GAK: variants seen among roughly 807,000 people sequenced by gnomAD.
GAK encodes the protein cyclin G associated kinase, also known as cyclin-G-associated kinase.
Under a neutral mutation model 143.9 loss-of-function variants are expected in GAK, and 79 were observed. The observed-to-expected ratio is 0.55, with a 90% confidence interval of 0.46 to 0.66. The LOEUF (loss-of-function observed/expected upper bound fraction) is 0.66. GAK is among the 30% of genes least tolerant of loss of function. The probability of loss-of-function intolerance (pLI) is 0.00; values close to 1 mark genes in which losing one functional copy is unlikely to be tolerated. For synonymous variants in GAK, 881 were observed against 765.5 expected (o/e 1.15, Z -2.49); for missense variants, 1,693 against 1,779.7 (o/e 0.95, Z 0.88).
intron 9 of GAK, among the ~76,000 whole-genome samples, chr4:891,288 G>A (rs574882641): frequency 3.2e-4 from 48 of 148,248 alleles, no homozygotes; most frequent in African/African-American, 1.1e-3. Context: ...TTTTTGAAAC[G>A]GAGTCTCACT....
Position 849,920 on chromosome 4 carries a change from C to T in GAK, c.3806G>A (p.Arg1269His), listed in dbSNP as rs149200314. 44 of 1,610,366 alleles carry T rather than the reference C, an allele frequency of 2.7e-5. No individual in the cohort carries two copies. Among genetic ancestry groups the T allele is most frequent in the Admixed American group, 8.4e-5 (5 of 59,826 alleles). ...GTCGGGGTGCACAGCCAGCACCGCG[C>T]GGCGATAGTGCTTCTTCACTTGCTC... The part of the protein sequence containing the change: ...APEQVKKHYR[R>H]AVLAVHPDKA... The change falls in exon 27 of 28, where the codon CGC (arginine) becomes CAC (histidine). Residue 1269 changes from arginine to histidine, a missense_variant. Arg to His is a conservative substitution (Grantham distance 29). Transcript: ENST00000314167.
At chr4:883,615 C>CG in intron 12 of GAK, 152 bp from the exon 13 acceptor site, 1 of 841,140 alleles carries the variant, frequency 1.2e-6, no homozygotes, top group Non-Finnish European at 1.9e-6. Flanking sequence ...CCTCACCCTC[C>CG]GTGGACTCCC....
At chr4:898,224 G>A (rs1260189922) in intron 5 of GAK, 66 bp from the exon 6 acceptor site, 70 of 1,584,328 alleles carry the variant, frequency 4.4e-5, no homozygotes, top group Non-Finnish European at 5.8e-5. Flanking sequence ...CAGGGAAAAC[G>A]AACGGGTGTG....
chr4:908,115 A>AAAGG (rs954311552), intron 4 of GAK, among the ~76,000 whole-genome samples: 2 of 152,182 alleles, frequency 1.3e-5, no homozygotes, highest in African/African-American at 4.8e-5. Flanking sequence ...TACCCCTCGC[A>AAAGG]AAGGCTTTCT....
rs542120943 is a variant in GAK at position 883,551 on chromosome 4, C to T, written c.1256-88G>A. 2.1e-4 allele frequency: 308 copies of T among 1,476,236 alleles called. 3 individuals carry two copies. The highest frequency in any genetic ancestry group is 1.9e-3 in the South Asian group (152 of 81,780). 91.4% of individuals were successfully genotyped at this position (1,476,236 alleles called of 1,614,324 possible). On this transcript the variant is annotated intron_variant, in intron 12 of 27. Transcript: ENST00000314167. ...GCGGCCTCGCTGCTCCTGACGCCCC[C>T]GGGCAAGCGCAGCCTCCGGCAGCTC...
At chr4:886,406 C>A (rs1007923397) in intron 11 of GAK, 1 of 152,236 alleles carries the variant, frequency 6.6e-6, no homozygotes, top group African/African-American at 2.4e-5. Flanking sequence ...CCCACCATCC[C>A]CACAGCTGCT....
At chr4:866,274 C>T in intron 22 of GAK, 90 bp downstream of exon 22, 2 of 1,368,400 alleles carry the variant, frequency 1.5e-6, no homozygotes, top group South Asian at 1.3e-5. Flanking sequence ...CCCACCACTG[C>T]CTGAGACCCA....
intron 5 of GAK, among the ~76,000 whole-genome samples, chr4:903,335 G>A (rs998832994): frequency 4.6e-5 from 7 of 152,228 alleles, no homozygotes; most frequent in African/African-American, 9.6e-5. Flanking sequence ...AGAGTCTGCC[G>A]GTGAACGGAA....
intron 24 of GAK, among the ~76,000 whole-genome samples, chr4:859,013 C>T (rs576467180): frequency 5.9e-5 from 9 of 152,346 alleles, no homozygotes; most frequent in South Asian, 2.1e-4. Context: ...ATCATCCCCC[C>T]GCCGCCGACG....
In GAK at chr4:870,766, G is replaced by A. The variant is rs775543121; in HGVS notation, c.2193C>T (p.Asn731=). 6.2e-7 allele frequency: 1 copy of A among 1,614,054 alleles called. No individual in the cohort carries two copies. Among genetic ancestry groups the A allele is most frequent in the South Asian group, 1.1e-5 (1 of 91,064 alleles). Residue 731 remains asparagine, a synonymous_variant, in exon 19 of 28, where the codon AAC becomes AAT. Transcript: ENST00000314167. ...CCCGGCTGGAAAACAGGATTTTGGG[G>A]TTCAGCCCCCTCATGCTCGAGTTCT... The part of the protein sequence containing the change: ...PWENSSMRGL[N]PKILFSSREE...
chr4:877,248 A>C, intron 16 of GAK, 41 bp from the exon 17 acceptor site: 1 of 1,327,546 alleles, frequency 7.5e-7, no homozygotes, highest in Middle Eastern at 1.8e-4. Flanking sequence ...AAAAACCCCC[A>C]AAACCAACCA....
At chr4:864,149 G>A (rs1473051386) in intron 23 of GAK, among the ~76,000 whole-genome samples, 5 of 152,182 alleles carry the variant, frequency 3.3e-5, no homozygotes, top group Non-Finnish European at 7.4e-5. Flanking sequence ...GCCTAAGCCC[G>A]GGAGTTCTAG....
intron 1 of GAK, among the ~76,000 whole-genome samples, chr4:919,410 C>T (rs958838096): frequency 1.1e-4 from 16 of 152,258 alleles, no homozygotes; most frequent in East Asian, 1.9e-4. Flanking sequence ...CCTTCAGTGC[C>T]GCATGACCTT....
chr4:883,601 G>A, intron 12 of GAK, 138 bp from the exon 13 acceptor site: 4 of 963,360 alleles, frequency 4.2e-6, no homozygotes, highest in South Asian at 3.0e-5. Context: ...CACACAGCCG[G>A]CCCCCTCACC....
intron 15 of GAK, among the ~76,000 whole-genome samples, 171 bp downstream of exon 15, chr4:881,736 C>T (rs1179639078): frequency 6.6e-6 from 1 of 152,270 alleles, no homozygotes; most frequent in East Asian, 1.9e-4. Flanking sequence ...CCTCCCCGGG[C>T]TCTGCGGCCG....
rs372667052 is a variant in GAK, at chr4:882,763, G to A, written c.1461C>T (p.Asn487=). ...GCCAGGCGTGCATGTTCCTGCAGAT[G>A]TTGTACAGGGTGTGCAGGTGTGGGG... ...RRAPHLHTLY[N]ICRNMHAWLR... The change falls in exon 14 of 28, where the codon AAC becomes AAT. Residue 487 remains asparagine, a synonymous_variant. Transcript: ENST00000314167. 5.0e-6 allele frequency: 8 copies of A among 1,612,014 alleles called. No homozygotes were observed. In the African/African-American group the frequency reaches 5.3e-5, roughly 11 times the overall value.
chr4:905,259 G>A (rs1013801677), intron 4 of GAK, among the ~76,000 whole-genome samples: 2 of 152,140 alleles, frequency 1.3e-5, no homozygotes, highest in Admixed American at 6.5e-5. Flanking sequence ...ATAAATTCCC[G>A]CTTTCGTTCT....
Position 892,196 on chromosome 4 carries a change from G to A in GAK, c.990+1181C>T, listed in dbSNP as rs112996693. 9.8e-3 allele frequency among the ~76,000 whole-genome samples: 1,486 copies of A among 152,314 alleles called. 27 individuals are homozygous for A. The highest frequency in any genetic ancestry group is 0.033 in the African/African-American group (1,355 of 41,574). The stretch of plus-strand genomic sequence containing the variant: ...CCCACGCTCCACACCCACCGCCTGG[G>A]TCAGCTCCACTGCAGTGGCCCCTGG... On this transcript the variant is annotated intron_variant, in intron 9 of 27. Coordinates refer to ENST00000314167, the MANE Select transcript of GAK (RefSeq NM_005255.4).
chr4:882,829 CAG>C lies in GAK; in HGVS notation c.1405-12_1405-11del, dbSNP rs1715429743. 6.2e-7 allele frequency: 1 copy of C among 1,607,916 alleles called. No homozygotes were observed. On this transcript the variant is annotated splice_polypyrimidine_tract_variant and intron_variant, in intron 13 of 27. Transcript: ENST00000314167. ...AGCCACACTCGGAGACCTGTGGGGA[CAG>C]GGCACGGTGGCACGGACGGCAGAGG...
Sources: gnomAD v4.1 joint callset for allele counts (sites outside exome capture counted in the v4.1 genomes callset) on GRCh38, gnomAD v4.1.1 for gene constraint, MANE v1.5 for transcripts, NCBI Gene and HGNC (gene_info 2026-07-23, HGNC 2026-07-21) for gene names.